The following PCSK9 variants were observed in gnomAD, a reference collection of about 807,000 sequenced individuals.
PCSK9 encodes convertase subtilisin/kexin type 9 preproprotein.
A neutral mutation model predicts 62.1 loss-of-function variants in PCSK9; 57 were observed. The observed-to-expected ratio is 0.92, with a 90% CI of 0.74 to 1.14. The LOEUF is 1.14. PCSK9 is among the 50% of genes most tolerant of loss of function. The probability of loss-of-function intolerance (pLI) is 0.00; values close to 1 mark genes in which losing one functional copy is unlikely to be tolerated. For missense variants in PCSK9, 870 were observed against 959.8 expected, an observed-to-expected ratio of 0.91 and a Z score of 1.24; for synonymous variants, 387 against 409.4, an observed-to-expected ratio of 0.95 and a Z score of 0.66.
intron 3 of PCSK9, among the ~76,000 whole-genome samples, chr1:55,047,906 C>T (rs1188240970): frequency 6.6e-6 from 1 of 152,152 alleles, no homozygotes; most frequent in Non-Finnish European, 1.5e-5. Flanking sequence ...CCCTGTACTC[C>T]ACATCAGTGC....
At position 55,063,566 on chromosome 1, in the gene PCSK9, C is replaced by T; in HGVS notation, c.2061C>T (p.Ala687=). ...ICCRSRHLAQ[A]SQELQ ...GCCGGAGCCGGCACCTGGCGCAGGC[C>T]TCCCAGGAGCTCCAGTGACAGCCCC... The change falls in exon 12 of 12, where the codon GCC becomes GCT. Residue 687 remains alanine, a synonymous_variant. Transcript: ENST00000302118. 1 of 1,612,056 alleles carries T rather than the reference C, an allele frequency of 6.2e-7. No homozygotes were observed. Among genetic ancestry groups the T allele is most frequent in the Non-Finnish European group, 8.5e-7 (1 of 1,179,794 alleles).
chr1:55,053,249 A>G (rs1644689256), intron 5 of PCSK9, among the ~76,000 whole-genome samples: 1 of 152,080 alleles, frequency 6.6e-6, no homozygotes, highest in African/African-American at 2.4e-5. Context: ...TGGTGGAGGA[A>G]CTGGCAGAGG....
Position 55,059,717 on chromosome 1 carries a change from C to A in PCSK9, c.1681+54C>A, listed in dbSNP as rs945689887. ...GGAGGGGTCTCTTTCTCCTTATGCA[C>A]CCACTGCCCGCGAGGCTTGGTCCTC... On this transcript the variant is annotated intron_variant, in intron 10 of 11. Coordinates refer to ENST00000302118, the MANE Select transcript of PCSK9 (RefSeq NM_174936.4). 3.3e-6 allele frequency: 5 copies of A among 1,535,390 alleles called. No homozygotes were observed. In the African/African-American group the frequency reaches 5.5e-5, roughly 17 times the overall value.
rs1022620535 is a variant in PCSK9, at chr1:55,040,426, G to A, written c.207+382G>A. Among the ~76,000 whole-genome samples, 1 of 152,186 alleles carries A rather than the reference G, an allele frequency of 6.6e-6. No individual in the cohort carries two copies. Among genetic ancestry groups the A allele is most frequent in the Non-Finnish European group, 1.5e-5 (1 of 68,036 alleles). On this transcript the variant is annotated intron_variant, in intron 1 of 11. Coordinates refer to ENST00000302118, the MANE Select transcript of PCSK9 (RefSeq NM_174936.4). The surrounding 1 kb of genome is among the most constrained non-coding windows in gnomAD (Gnocchi z 4.1). ...CAGGTGGGTGAAGGAGTGAATGCCT[G>A]GAACGTACTGGGAACTGCACCAGGC...
chr1:55,059,183 C>T (rs1468211668), intron 9 of PCSK9, among the ~76,000 whole-genome samples: 2 of 152,140 alleles, frequency 1.3e-5, no homozygotes, highest in African/African-American at 4.8e-5. Flanking sequence ...TCTTAATGCT[C>T]GTGTGAGAGG....
chr1:55,043,898 T>G lies in PCSK9; in HGVS notation c.263T>G (p.Leu88Arg). ...YVVVLKEETH[L>R]SQSERTARRL... is the part of the protein sequence containing the mutation. ...GTGGTGCTGAAGGAGGAGACCCACC[T>G]CTCGCAGTCAGAGCGCACTGCCCGC... The change falls in exon 2 of 12, where the codon CTC becomes CGC. Residue 88 changes from leucine (L) to arginine (R), a missense_variant. Physicochemically the swap from Leu to Arg is moderately radical, Grantham distance 102. Transcript: ENST00000302118. The G allele has an allele frequency of 6.2e-7, 1 of 1,614,186 alleles. No individual in the cohort carries two copies. Among genetic ancestry groups the G allele is most frequent in the Non-Finnish European group, 8.5e-7 (1 of 1,180,032 alleles).
intron 3 of PCSK9, chr1:55,051,126 T>C: frequency 2.2e-6 from 1 of 456,042 alleles, no homozygotes; most frequent in Admixed American, 2.3e-5. Flanking sequence ...CCATAAGAAG[T>C]GGGTACACGC....
rs138341177 is a variant in PCSK9, at chr1:55,045,506, A to C, written c.400-1017A>C. On this transcript the variant is annotated intron_variant, in intron 2 of 11. Coordinates refer to ENST00000302118, the MANE Select transcript of PCSK9 (RefSeq NM_174936.4). ...AAGAAGCCTCTGGGGATACGAAGGC[A>C]TCCAGGGACTAGTTGTGGCAGGAGG... Among the ~76,000 whole-genome samples the C allele has an allele frequency of 4.2e-3, 644 of 152,264 alleles. 2 individuals are homozygous for C. The highest frequency in any genetic ancestry group is 7.0e-3 in the Non-Finnish European group (475 of 68,018).
rs1644710672 is a variant in PCSK9, at chr1:55,055,988, C to T, written c.800-5C>T. ...AAGGGGTGACCTTGGCTTTGTTCCT[C>T]CCAGGCCTGGAGTTTATTCGGAAAA... On this transcript the variant is annotated splice_region_variant and splice_polypyrimidine_tract_variant and intron_variant, in intron 5 of 11. Coordinates refer to ENST00000302118, the MANE Select transcript of PCSK9 (RefSeq NM_174936.4). 1 of 1,607,198 alleles carries T rather than the reference C, an allele frequency of 6.2e-7. No homozygotes were observed. Among genetic ancestry groups the T allele is most frequent in the South Asian group, 1.1e-5 (1 of 89,926 alleles).
intron 5 of PCSK9, among the ~76,000 whole-genome samples, chr1:55,053,548 C>T (rs1644691535): frequency 6.6e-6 from 1 of 152,166 alleles, no homozygotes; most frequent in African/African-American, 2.4e-5. Context: ...CAGCTCTGGG[C>T]AGCAGCTTGA....
intron 11 of PCSK9, among the ~76,000 whole-genome samples, chr1:55,061,796 T>C (rs1350442314): frequency 6.6e-6 from 1 of 152,220 alleles, no homozygotes; most frequent in Non-Finnish European, 1.5e-5. Flanking sequence ...CCCACTCCAC[T>C]TGGAGTAGAA....
intron 5 of PCSK9, 54 bp downstream of exon 5, chr1:55,052,845 G>A: frequency 6.2e-7 from 1 of 1,612,006 alleles, no homozygotes; most frequent in Non-Finnish European, 8.5e-7. Flanking sequence ...GGCCTGGGAG[G>A]TGGCTTGGGC....
chr1:55,054,085 A>G (rs145233626), intron 5 of PCSK9, among the ~76,000 whole-genome samples: 1 of 152,344 alleles, frequency 6.6e-6, no homozygotes, highest in African/African-American at 2.4e-5. Context: ...GCAGGTGCTT[A>G]ATAACTAGCA....
At chr1:55,043,633 G>A (rs1365226747) in intron 1 of PCSK9, among the ~76,000 whole-genome samples, 1 of 152,234 alleles carries the variant, frequency 6.6e-6, no homozygotes, top group African/African-American at 2.4e-5. Context: ...TGGCACATTT[G>A]AAAGTGTTAT....
rs1557510084 is a variant in PCSK9, at chr1:55,063,809, T to C, written c.*225T>C. ...TCCCCAGGTGGAGGTGCCAGGAAGC[T>C]CCCTCCCTCACTGTGGGGCATTTCA... On this transcript the variant is annotated 3_prime_UTR_variant, in exon 12 of 12. Transcript: ENST00000302118. 13 of 596,052 alleles carry C rather than the reference T, an allele frequency of 2.2e-5. No homozygotes were observed. The highest frequency in any genetic ancestry group is 3.8e-5 in the Non-Finnish European group (13 of 337,716). The allele number at this position is 596,052 out of a possible 1,614,324, so 36.9% of individuals were successfully genotyped here.
rs28362215 is a variant in PCSK9, at chr1:55,042,539, G to C, written c.208-1304G>C. On this transcript the variant is annotated intron_variant, in intron 1 of 11. Coordinates refer to ENST00000302118, the MANE Select transcript of PCSK9 (RefSeq NM_174936.4). ...TTTGGCCCTAAGGCTTTGGGTAAAGGGGGTGGACTCTGTTCTACTCTGACT... is the reference window on the plus strand; with the variant it reads ...TTTGGCCCTAAGGCTTTGGGTAAAGCGGGTGGACTCTGTTCTACTCTGACT... Among the ~76,000 whole-genome samples, 231 of 152,272 alleles carry C rather than the reference G, an allele frequency of 1.5e-3. 2 individuals carry two copies. Among genetic ancestry groups the C allele is most frequent in the African/African-American group, 5.4e-3 (225 of 41,528 alleles).
At chr1:55,045,487 C>G (rs527805281) in intron 2 of PCSK9, among the ~76,000 whole-genome samples, 2 of 152,254 alleles carry the variant, frequency 1.3e-5, no homozygotes, top group South Asian at 4.1e-4. Context: ...GGTTAAGAAG[C>G]CTCTGGGGAT....
intron 5 of PCSK9, among the ~76,000 whole-genome samples, chr1:55,054,074 A>C (rs1644695159): frequency 6.6e-6 from 1 of 152,220 alleles, no homozygotes; most frequent in Non-Finnish European, 1.5e-5. Flanking sequence ...ATAAGCACAC[A>C]GCAGGTGCTT....
In PCSK9 at chr1:55,055,139, T is replaced by TG. The variant is rs908234941; in HGVS notation, c.800-848dup. Among the ~76,000 whole-genome samples, 30 of 152,164 alleles carry TG rather than the reference T, an allele frequency of 2.0e-4. No homozygotes were observed. The East Asian group carries it at 2.3e-3, about 12-fold the overall frequency. Reference sequence around the variant, plus strand: ...CCCTCAAGGGTGGGGAGTTATGGTATGGGGGGTCCTAGGCATGGAGTCTTT... The same window carrying TG: ...CCCTCAAGGGTGGGGAGTTATGGTATGGGGGGGTCCTAGGCATGGAGTCTTT... On this transcript the variant is annotated intron_variant, in intron 5 of 11. Coordinates refer to ENST00000302118, the MANE Select transcript of PCSK9 (RefSeq NM_174936.4).
Sources: gnomAD v4.1 joint callset for allele counts (sites outside exome capture counted in the v4.1 genomes callset) on GRCh38, gnomAD v4.1.1 for gene constraint, Gnocchi (gnomAD v3.1) non-coding constraint, MANE v1.5 for transcripts, NCBI Gene and HGNC (gene_info 2026-07-23, HGNC 2026-07-21) for gene names.